NCALD: variants seen among roughly 807,000 people sequenced by gnomAD.
NCALD encodes neurocalcin-delta.
In NCALD, 10 loss-of-function variants were observed where a neutral mutation model predicts 18.6. That is an observed-to-expected ratio of 0.54 (90% confidence interval 0.33 to 0.91). The LOEUF is 0.91. Ranked by LOEUF, NCALD falls within the 40% of genes least tolerant of loss-of-function variation. The pLI, the probability that NCALD is intolerant of heterozygous loss-of-function variation, is 0.03. For synonymous variants in NCALD, 88 were observed against 87.4 expected (o/e 1.01, Z -0.04); for missense variants, 184 against 247.6 (o/e 0.74, Z 1.72).
chr8:101,835,214 C>T (rs1053926490), intron 4 of NCALD, among the ~76,000 whole-genome samples: 1 of 152,260 alleles, frequency 6.6e-6, no homozygotes, highest in Non-Finnish European at 1.5e-5. Flanking sequence ...CAGCCCCGTG[C>T]AGTAAGTGCC....
At chr8:101,741,591 A>G (rs1810185115) in intron 1 of NCALD, among the ~76,000 whole-genome samples, 1 of 151,248 alleles carries the variant, frequency 6.6e-6, no homozygotes, top group Non-Finnish European at 1.5e-5. Context: ...AATCAAATTC[A>G]GCTTTATGGA....
At chr8:101,814,865 A>T (rs1242321263) in intron 4 of NCALD, among the ~76,000 whole-genome samples, 1 of 152,148 alleles carries the variant, frequency 6.6e-6, no homozygotes, top group African/African-American at 2.4e-5. Context: ...AAAGTGAAAT[A>T]CTTAGGTATT....
At chr8:102,065,725 T>C (rs1823987770) in intron 1 of NCALD, among the ~76,000 whole-genome samples, 1 of 152,110 alleles carries the variant, frequency 6.6e-6, no homozygotes, top group African/African-American at 2.4e-5. Context: ...GTACCTGTAA[T>C]CCCAGCACTT....
chr8:101,692,923 A>G (rs1334647083), intron 2 of NCALD, 27 bp from the exon 3 acceptor site: 1 of 1,540,718 alleles, frequency 6.5e-7, no homozygotes. Context: ...CATGGTGGTA[A>G]GACAGAAAAA....
intron 1 of NCALD, among the ~76,000 whole-genome samples, chr8:101,731,495 A>G (rs996049629): frequency 3.3e-5 from 5 of 152,126 alleles, no homozygotes; most frequent in African/African-American, 4.8e-5. Context: ...TAAATTGGAA[A>G]TGGAGTTGGA....
chr8:101,791,190 C>T (rs1812432017), upstream of NCALD, among the ~76,000 whole-genome samples: 1 of 152,212 alleles, frequency 6.6e-6, no homozygotes, highest in Non-Finnish European at 1.5e-5. Context: ...CCTTGACAAC[C>T]TCAACCCCCG....
In NCALD at chr8:101,689,556, G is replaced by T; in HGVS notation, c.485-150C>A. 1 of 641,656 alleles carries T rather than the reference G, an allele frequency of 1.6e-6. No individual in the cohort carries two copies. 39.7% of individuals were successfully genotyped at this position (641,656 alleles called of 1,614,324 possible). ...CAGCACTCACCTGTCCCGGGGAAGA[G>T]CCCAGTGGAATCTCCAGGAACACTG... On this transcript the variant is annotated intron_variant, in intron 3 of 3. Transcript: ENST00000220931. The surrounding 1 kb of genome is among the most constrained non-coding windows in gnomAD (Gnocchi z 4.4).
chr8:101,999,938 T>C (rs1821386501), intron 2 of NCALD, among the ~76,000 whole-genome samples: 1 of 152,154 alleles, frequency 6.6e-6, no homozygotes, highest in Non-Finnish European at 1.5e-5. Context: ...ACAGCTCCAG[T>C]CTACAGCTCC....
chr8:101,744,169 C>T (rs955804514), intron 1 of NCALD, among the ~76,000 whole-genome samples: 2 of 152,250 alleles, frequency 1.3e-5, no homozygotes, highest in South Asian at 2.1e-4. Flanking sequence ...ATTCAGGGTC[C>T]TCATGATCCT....
intron 4 of NCALD, among the ~76,000 whole-genome samples, chr8:101,856,017 G>A (rs548234711): frequency 5.9e-5 from 9 of 152,248 alleles, no homozygotes; most frequent in African/African-American, 1.9e-4. Context: ...GCTGTTGGTG[G>A]GTTTCAGACT....
intron 3 of NCALD, among the ~76,000 whole-genome samples, chr8:101,905,421 G>A (rs1235978183): frequency 1.3e-5 from 2 of 151,942 alleles, no homozygotes; most frequent in East Asian, 3.9e-4. Context: ...CCAAAGTCAG[G>A]AGGCCGACCT....
chr8:102,036,151 T>TAAATAAATA (rs1563562300), intron 1 of NCALD, among the ~76,000 whole-genome samples: 1 of 148,796 alleles, frequency 6.7e-6, no homozygotes, highest in Non-Finnish European at 1.5e-5. Context: ...ATAAATTAAT[T>TAAATAAATA]AATTAATTAA....
intron 4 of NCALD, among the ~76,000 whole-genome samples, chr8:101,863,343 T>C (rs929231825): frequency 2.0e-5 from 3 of 152,244 alleles, no homozygotes; most frequent in Non-Finnish European, 4.4e-5. Flanking sequence ...AGGGATGAGG[T>C]TTCTTTCCAT....
chr8:101,994,823 AG>A (rs901921850), intron 2 of NCALD, among the ~76,000 whole-genome samples: 5 of 152,266 alleles, frequency 3.3e-5, no homozygotes, highest in African/African-American at 4.8e-5. Flanking sequence ...ATACCCAGCA[AG>A]TATTTGTTTA....
At chr8:101,946,907 C>T (rs1819199081) in intron 2 of NCALD, among the ~76,000 whole-genome samples, 1 of 150,708 alleles carries the variant, frequency 6.6e-6, no homozygotes, top group Non-Finnish European at 1.5e-5. Context: ...ATAGACATCT[C>T]AACTGGTTCA....
At chr8:101,876,742 G>A (rs918140627) in intron 4 of NCALD, among the ~76,000 whole-genome samples, 5 of 152,082 alleles carry the variant, frequency 3.3e-5, no homozygotes, top group African/African-American at 1.2e-4. Flanking sequence ...ACTTATTGCT[G>A]CTGCTGCTCA....
intron 4 of NCALD, among the ~76,000 whole-genome samples, chr8:101,823,503 G>A (rs1005464446): frequency 1.3e-5 from 2 of 152,030 alleles, no homozygotes; most frequent in African/African-American, 4.8e-5. Context: ...TTAGGACAAA[G>A]GTTTTAAAAC....
chr8:102,055,720 C>G (rs1425802728), intron 1 of NCALD, among the ~76,000 whole-genome samples: 1 of 152,214 alleles, frequency 6.6e-6, no homozygotes. Flanking sequence ...ACCACTCTCA[C>G]TCTTAAACAC....
intron 1 of NCALD, among the ~76,000 whole-genome samples, chr8:102,049,928 C>G (rs957355741): frequency 6.7e-6 from 1 of 150,126 alleles, no homozygotes; most frequent in Admixed American, 6.6e-5. Flanking sequence ...TTTGGGAGGC[C>G]GAGGCGGGTG....
Sources: gnomAD v4.1 joint callset for allele counts (sites outside exome capture counted in the v4.1 genomes callset) on GRCh38, gnomAD v4.1.1 for gene constraint, Gnocchi (gnomAD v3.1) non-coding constraint, MANE v1.5 for transcripts, NCBI Gene and HGNC (gene_info 2026-07-23, HGNC 2026-07-21) for gene names.